Variants in PXDNL observed in about 807,000 individuals in gnomAD.
The protein encoded by PXDNL is peroxidasin like.
PXDNL carries 145 observed loss-of-function variants against 150.8 expected under a neutral mutation model. That is an observed-to-expected ratio of 0.96 (90% CI 0.84 to 1.10). The LOEUF is 1.10. PXDNL is among the 50% of genes least tolerant of loss of function. PXDNL has a pLI of 0.00. For synonymous variants in PXDNL, 757 were observed against 725.7 expected (o/e 1.04, Z -0.69); for missense variants, 2,087 against 1,873.9 (o/e 1.11, Z -2.10).
intron 1 of PXDNL, among the ~76,000 whole-genome samples, chr8:51,803,847 A>G (rs190589911): frequency 3.3e-5 from 5 of 152,268 alleles, no homozygotes; most frequent in African/African-American, 7.2e-5. Context: ...CGTTAGCCCA[A>G]TGACTTTCAG....
At chr8:51,760,845 CTTTTTTT>C (rs71237237) in intron 1 of PXDNL, among the ~76,000 whole-genome samples, 10 of 45,488 alleles carry the variant, frequency 2.2e-4, no homozygotes, top group East Asian at 1.0e-3. Context: ...ATCACTTAAA[CTTTTTTT>C]TTTTTTTTTT....
chr8:51,454,034 T>C (rs1809872422), intron 9 of PXDNL, among the ~76,000 whole-genome samples: 1 of 152,240 alleles, frequency 6.6e-6, no homozygotes, highest in African/African-American at 2.4e-5. Flanking sequence ...TTATAGATAC[T>C]GCAAAGCACC....
rs1199619614 is a variant in PXDNL, at chr8:51,771,977, A to G, written c.164+37204T>C. ...GAAAGCAAAAGTATCCAGCCAGAAAAGAGAGAGTGGGTCATGTGAGGAGGT... is the reference window on the plus strand; with the variant it reads ...GAAAGCAAAAGTATCCAGCCAGAAAGGAGAGAGTGGGTCATGTGAGGAGGT... On this transcript the variant is annotated intron_variant, in intron 1 of 22. Transcript: ENST00000356297. Among the ~76,000 whole-genome samples the G allele has an allele frequency of 2.6e-5, 4 of 152,004 alleles. No individual in the cohort carries two copies. In the East Asian group the frequency reaches 7.8e-4, roughly 30 times the overall value.
rs751225557 is a variant in PXDNL, at chr8:51,408,188, T to C, written c.3436A>G (p.Arg1146Gly). Residue 1146 changes from arginine (R) to glycine (G), a missense_variant, in exon 17 of 23, where the codon AGA becomes GGA. Physicochemically the swap from Arg to Gly is moderately radical, Grantham distance 125. Transcript: ENST00000356297. Reference sequence around the variant, plus strand: ...ACATATGGTGGGATCCCGTGGTCTCTACCCCTTTGAATGATGGTGGCAGCC... The same window carrying C: ...ACATATGGTGGGATCCCGTGGTCTCCACCCCTTTGAATGATGGTGGCAGCC... ...DSAATIIQRG[R>G]DHGIPPYVDF... is the part of the protein sequence containing the mutation. The C allele has an allele frequency of 6.2e-7, 1 of 1,614,074 alleles. No individual in the cohort carries two copies. The highest frequency in any genetic ancestry group is 8.5e-7 in the Non-Finnish European group (1 of 1,179,912).
intron 2 of PXDNL, among the ~76,000 whole-genome samples, chr8:51,607,188 G>A (rs1442720518): frequency 6.6e-6 from 1 of 152,144 alleles, no homozygotes; most frequent in Non-Finnish European, 1.5e-5. Flanking sequence ...CTGTATAGCA[G>A]TGGACATAGG....
At chr8:51,535,148 T>C (rs1358380526) in intron 4 of PXDNL, among the ~76,000 whole-genome samples, 18 of 124,572 alleles carry the variant, frequency 1.4e-4, no homozygotes, top group African/African-American at 3.0e-4. Context: ...TGAGGGGCGC[T>C]TCTGCCCGGC....
chr8:51,714,425 A>G (rs1816566994), intron 1 of PXDNL, among the ~76,000 whole-genome samples: 1 of 152,212 alleles, frequency 6.6e-6, no homozygotes, highest in Non-Finnish European at 1.5e-5. Flanking sequence ...TCTAGAGCAA[A>G]CAGACACTTC....
At position 51,409,509 on chromosome 8, in the gene PXDNL, A is replaced by G; in HGVS notation, c.2115T>C (p.Asn705=). ...GCCTGCGAGCTGTGCATCCAGATAA[A>G]TTGGCGATGAGGCTGAGGGAGCGCG... The part of the protein sequence containing the change: ...VSPRSLSLIA[N]LSGCTARRPL... The change falls in exon 17 of 23, where the codon AAT becomes AAC. Residue 705 remains asparagine (N), a synonymous_variant. Coordinates refer to ENST00000356297, the MANE Select transcript of PXDNL (RefSeq NM_144651.5). The G allele has an allele frequency of 1.2e-6, 2 of 1,610,530 alleles. No individual in the cohort carries two copies. Among genetic ancestry groups the G allele is most frequent in the Non-Finnish European group, 8.5e-7 (1 of 1,178,904 alleles).
At chr8:51,359,514 G>C (rs1401307394) in intron 19 of PXDNL, among the ~76,000 whole-genome samples, 1 of 152,032 alleles carries the variant, frequency 6.6e-6, no homozygotes, top group Non-Finnish European at 1.5e-5. Flanking sequence ...AAAGAAAAGA[G>C]ATTTGGAGGG....
intron 1 of PXDNL, among the ~76,000 whole-genome samples, chr8:51,754,714 A>G (rs921893403): frequency 6.6e-6 from 1 of 152,126 alleles, no homozygotes; most frequent in Non-Finnish European, 1.5e-5. Flanking sequence ...CGTGTTAGGT[A>G]GGATGGTCTC....
In PXDNL at chr8:51,721,664, A is replaced by T. The variant is rs938706733; in HGVS notation, c.165-66904T>A. 2.2e-5 allele frequency: 10 copies of T among 446,018 alleles called. No individual in the cohort carries two copies. In the East Asian group the frequency reaches 5.1e-4, roughly 23 times the overall value. The allele number at this position is 446,018 out of a possible 1,614,324, so 27.6% of individuals were successfully genotyped here. ...TAAAATTAAAAAAAAAAAGAAGTTG[A>T]CTCAATTCACTTTGCCTCATTCTTG... On this transcript the variant is annotated intron_variant, in intron 1 of 22. Coordinates refer to ENST00000356297, the MANE Select transcript of PXDNL (RefSeq NM_144651.5).
intron 19 of PXDNL, 112 bp from the exon 20 acceptor site, chr8:51,346,059 A>G: frequency 1.6e-6 from 1 of 639,716 alleles, no homozygotes; most frequent in Non-Finnish European, 2.7e-6. Context: ...AAGAAAGAGT[A>G]GAGAGCGAGA....
At chr8:51,807,221 G>C (rs1181933469) in intron 1 of PXDNL, among the ~76,000 whole-genome samples, 1 of 152,176 alleles carries the variant, frequency 6.6e-6, no homozygotes, top group Non-Finnish European at 1.5e-5. Flanking sequence ...CTTTTGCTTG[G>C]CTTCTGGGGA....
chr8:51,752,485 C>G (rs1461896284), intron 1 of PXDNL, among the ~76,000 whole-genome samples: 1 of 152,140 alleles, frequency 6.6e-6, no homozygotes, highest in African/African-American at 2.4e-5. Context: ...TATTTAACCA[C>G]TCAGTCAGTG....
intron 14 of PXDNL, among the ~76,000 whole-genome samples, chr8:51,418,230 A>G (rs1185137201): frequency 6.6e-6 from 1 of 152,212 alleles, no homozygotes; most frequent in African/African-American, 2.4e-5. Context: ...TCATTGTATT[A>G]TTAAAGTTTG....
intron 1 of PXDNL, among the ~76,000 whole-genome samples, chr8:51,667,616 A>G (rs191500437): frequency 3.7e-4 from 56 of 152,310 alleles, no homozygotes; most frequent in African/African-American, 1.3e-3. Flanking sequence ...GATGCCAAAT[A>G]CATAAATATC....
intron 8 of PXDNL, among the ~76,000 whole-genome samples, chr8:51,467,505 A>C (rs1244062475): frequency 6.6e-6 from 1 of 151,934 alleles, no homozygotes; most frequent in African/African-American, 2.4e-5. Flanking sequence ...TTGAAAAACT[A>C]CCTATTTGTT....
intron 19 of PXDNL, among the ~76,000 whole-genome samples, chr8:51,351,046 G>T (rs972096407): frequency 6.6e-6 from 1 of 152,126 alleles, no homozygotes; most frequent in Non-Finnish European, 1.5e-5. Flanking sequence ...GAAGTGAGAC[G>T]GTTCCAGTAG....
chr8:51,346,267 T>C (rs953612715), intron 19 of PXDNL, among the ~76,000 whole-genome samples: 2 of 152,170 alleles, frequency 1.3e-5, no homozygotes, highest in African/African-American at 4.8e-5. Flanking sequence ...TGTCTTTTAT[T>C]CACTAAGGAC....
Sources: gnomAD v4.1 joint callset for allele counts (sites outside exome capture counted in the v4.1 genomes callset) on GRCh38, gnomAD v4.1.1 for gene constraint, MANE v1.5 for transcripts, NCBI Gene and HGNC (gene_info 2026-07-23, HGNC 2026-07-21) for gene names.